Variants in PSMF1 observed in about 807,000 individuals in gnomAD.
PSMF1 encodes proteasome inhibitor PI31 subunit.
PSMF1 carries 30 observed loss-of-function variants against 29.3 expected under a neutral mutation model. That is an observed-to-expected ratio of 1.02 (90% CI 0.77 to 1.39). The LOEUF is 1.39. Among genes scored for constraint, PSMF1 ranks in the 40% most tolerant of loss-of-function variants. The probability of loss-of-function intolerance (pLI) is 0.00; values close to 1 mark genes in which losing one functional copy is unlikely to be tolerated. For missense variants in PSMF1, 344 were observed against 357.5 expected (o/e 0.96, Z 0.31); for synonymous variants, 134 against 139.7 (o/e 0.96, Z 0.29).
In PSMF1 at chr20:1,118,737, C is replaced by T. The variant is rs11556999; in HGVS notation, c.-37C>T. 6.2e-7 allele frequency: 1 copy of T among 1,600,966 alleles called. No individual in the cohort carries two copies. The highest frequency in any genetic ancestry group is 1.1e-5 in the South Asian group (1 of 89,874). ...GCCGGCTCACTGCACTACCCCCGCC[C>T]CCTTCTTTCCTCCAGACGCCGAAGT... On this transcript the variant is annotated 5_prime_UTR_variant, in exon 1 of 7. Coordinates refer to ENST00000335877, the MANE Select transcript of PSMF1 (RefSeq NM_006814.5).
upstream of PSMF1, among the ~76,000 whole-genome samples, chr20:1,117,306 T>C (rs1192893326): frequency 6.6e-6 from 1 of 151,640 alleles, no homozygotes; most frequent in Admixed American, 6.6e-5. Context: ...GTGACGATTT[T>C]GAGCCAACGG....
upstream of PSMF1, among the ~76,000 whole-genome samples, chr20:1,113,696 T>G (rs908131016): frequency 6.6e-6 from 1 of 151,930 alleles, no homozygotes; most frequent in African/African-American, 2.4e-5. Context: ...TTTTTTTTTG[T>G]TTTTTGGTTT....
At chr20:1,138,836 A>AC (rs1395116173) in intron 4 of PSMF1, among the ~76,000 whole-genome samples, 2 of 150,712 alleles carry the variant, frequency 1.3e-5, no homozygotes, top group Admixed American at 1.3e-4. Context: ...AAAACAAACA[A>AC]AAAAAAACAA....
Position 1,169,173 on chromosome 20 carries a change from C to T in PSMF1, c.*4093C>T, listed in dbSNP as rs549847834. On this transcript the variant is annotated 3_prime_UTR_variant, in exon 7 of 7. Transcript: ENST00000335877. ...CAGGACTAATGCGTCACTGCATTAA[C>T]CCCAGGACACATGGACCAAGTCACT... Among the ~76,000 whole-genome samples the T allele has an allele frequency of 6.6e-6, 1 of 152,244 alleles. No individual in the cohort carries two copies. The highest frequency in any genetic ancestry group is 2.4e-5 in the African/African-American group (1 of 41,546).
intron 4 of PSMF1, chr20:1,161,274 TC>T: frequency 3.1e-6 from 1 of 320,986 alleles, no homozygotes; most frequent in South Asian, 5.2e-5. Flanking sequence ...GTCATCCTTC[TC>T]CCTGGAGAAA....
chr20:1,158,587 AG>A (rs1410128902), intron 4 of PSMF1, among the ~76,000 whole-genome samples: 1 of 152,216 alleles, frequency 6.6e-6, no homozygotes, highest in Non-Finnish European at 1.5e-5. Context: ...TATGTAAAAG[AG>A]AAGCACATAA....
At chr20:1,142,080 G>A (rs2086387676) in intron 4 of PSMF1, among the ~76,000 whole-genome samples, 1 of 152,122 alleles carries the variant, frequency 6.6e-6, no homozygotes, top group Admixed American at 6.5e-5. Flanking sequence ...AAATTAGCCA[G>A]GTGTGGTGGC....
intron 3 of PSMF1, among the ~76,000 whole-genome samples, chr20:1,131,543 G>A (rs956688563): frequency 2.6e-5 from 4 of 152,174 alleles, no homozygotes; most frequent in South Asian, 4.1e-4. Context: ...GGAAATGGGC[G>A]GTGAAAGCTG....
intron 3 of PSMF1, among the ~76,000 whole-genome samples, chr20:1,133,108 T>A (rs1171312542): frequency 6.6e-6 from 1 of 151,210 alleles, no homozygotes; most frequent in African/African-American, 2.4e-5. Context: ...GGTCAGGATG[T>A]CCAATATTAT....
intron 2 of PSMF1, 97 bp downstream of exon 2, chr20:1,125,747 C>G (rs2086147580): frequency 6.9e-7 from 1 of 1,447,760 alleles, no homozygotes; most frequent in South Asian, 1.3e-5. Context: ...CTTCAATGTT[C>G]ATGTAGCCCT....
chr20:1,167,931 A>G lies in PSMF1; in HGVS notation c.*2851A>G, dbSNP rs2086751077. ...GAATTGTCAGACTGTTTTCCACGGA[A>G]GCTGCACCATTTTACATTTCCACTG... On this transcript the variant is annotated 3_prime_UTR_variant, in exon 7 of 7. Transcript: ENST00000335877. The G allele has an allele frequency of 6.6e-6, 1 of 152,228 alleles. No homozygotes were observed. 9.4% of individuals were successfully genotyped at this position (152,228 alleles called of 1,614,324 possible). A position where few individuals can be genotyped will look rare whatever the true frequency, so the allele number is the denominator to read the frequency against.
rs754078045 is a variant in PSMF1 at position 1,135,104 on chromosome 20, T to G, written c.366-17T>G. On this transcript the variant is annotated splice_polypyrimidine_tract_variant and intron_variant, in intron 3 of 6. Coordinates refer to ENST00000335877, the MANE Select transcript of PSMF1 (RefSeq NM_006814.5). ...TAGCCAACTGCAAGCAGTTGACTCT[T>G]CATCTGCTTCCTGCAGGACCTACAA... 1 of 1,613,908 alleles carries G rather than the reference T, an allele frequency of 6.2e-7. No homozygotes were observed. Among genetic ancestry groups the G allele is most frequent in the Non-Finnish European group, 8.5e-7 (1 of 1,179,912 alleles).
intron 3 of PSMF1, among the ~76,000 whole-genome samples, chr20:1,130,541 T>C (rs1386706803): frequency 1.3e-5 from 2 of 152,230 alleles, no homozygotes; most frequent in East Asian, 1.9e-4. Context: ...CGTAGCCAAC[T>C]CCTGTTTATC....
intron 2 of PSMF1, among the ~76,000 whole-genome samples, chr20:1,127,139 G>C (rs893084900): frequency 1.3e-5 from 2 of 152,158 alleles, no homozygotes; most frequent in African/African-American, 4.8e-5. Context: ...CTCACCTGCA[G>C]ATCAAAGTTG....
rs1351843574 is a variant in PSMF1 at position 1,167,388 on chromosome 20, C to G, written c.*2308C>G. ...ATTTACATACCCATAATTTACATAC[C>G]TGTTTAAAGTATACAATTCAGTGGA... is the stretch of plus-strand genomic sequence containing the variant. On this transcript the variant is annotated 3_prime_UTR_variant, in exon 7 of 7. Coordinates refer to ENST00000335877, the MANE Select transcript of PSMF1 (RefSeq NM_006814.5). 6.6e-6 allele frequency: 1 copy of G among 152,070 alleles called. No homozygotes were observed. The highest frequency in any genetic ancestry group is 1.9e-4 in the East Asian group (1 of 5,192). The allele number at this position is 152,070 out of a possible 1,614,324, so 9.4% of individuals were successfully genotyped here. A position where few individuals can be genotyped will look rare whatever the true frequency, so the allele number is the denominator to read the frequency against.
chr20:1,132,632 G>T (rs1024181604), intron 3 of PSMF1, among the ~76,000 whole-genome samples: 1 of 152,060 alleles, frequency 6.6e-6, no homozygotes, highest in Non-Finnish European at 1.5e-5. Context: ...GAAAAACCTT[G>T]CTAGGATTTT....
Position 1,167,754 on chromosome 20 carries a change from A to G in PSMF1, c.*2674A>G, listed in dbSNP as rs2086748669. ...TGGACAGTTGGGTTGTTTCTACAAA[A>G]AGGCTATTATGAGTAATGCAGCCAA... On this transcript the variant is annotated 3_prime_UTR_variant, in exon 7 of 7. Transcript: ENST00000335877. 1 of 152,204 alleles carries G rather than the reference A, an allele frequency of 6.6e-6. No individual in the cohort carries two copies. Among genetic ancestry groups the G allele is most frequent in the South Asian group, 2.1e-4 (1 of 4,828 alleles). 9.4% of individuals were successfully genotyped at this position (152,204 alleles called of 1,614,324 possible).
chr20:1,132,219 G>C (rs1466567077), intron 3 of PSMF1, among the ~76,000 whole-genome samples: 1 of 151,318 alleles, frequency 6.6e-6, no homozygotes, highest in East Asian at 1.9e-4. Context: ...CAAGGTAGTT[G>C]TAGCTATTCT....
intron 3 of PSMF1, among the ~76,000 whole-genome samples, chr20:1,129,339 C>T (rs540414646): frequency 3.3e-5 from 5 of 152,270 alleles, no homozygotes; most frequent in African/African-American, 9.6e-5. Flanking sequence ...AGTTATCAAA[C>T]CTTAACCGAA....
Sources: allele counts gnomAD v4.1 joint callset (sites outside exome capture counted in the v4.1 genomes callset), GRCh38; gene constraint gnomAD v4.1.1; transcripts MANE v1.5; gene names NCBI Gene and HGNC (gene_info 2026-07-23, HGNC 2026-07-21).